Variants in KLHL36 observed in about 807,000 individuals in gnomAD.
The protein encoded by KLHL36 is kelch like family member 36, also known as kelch-like protein 36.
In KLHL36, 35 loss-of-function variants were observed where a neutral mutation model predicts 53.3. The observed-to-expected ratio is 0.66, with a 90% confidence interval of 0.50 to 0.87. The LOEUF (loss-of-function observed/expected upper bound fraction) is 0.87. KLHL36 is among the 40% of genes least tolerant of loss of function. The pLI, the probability that KLHL36 is intolerant of heterozygous loss-of-function variation, is 0.00. For missense variants in KLHL36, 864 were observed against 897.6 expected (o/e 0.96, Z 0.48); for synonymous variants, 472 against 398.9 (o/e 1.18, Z -2.18).
intron 1 of KLHL36, 55 bp from the exon 2 acceptor site, chr16:84,650,797 T>G: frequency 1.5e-6 from 2 of 1,313,714 alleles, no homozygotes; most frequent in Non-Finnish European, 2.2e-6. Flanking sequence ...GGCCTGAAAT[T>G]AATGAATGAC....
chr16:84,649,801 G>A (rs897747511), intron 1 of KLHL36, among the ~76,000 whole-genome samples: 7 of 152,162 alleles, frequency 4.6e-5, no homozygotes, highest in African/African-American at 1.2e-4. Context: ...TATTAGTGAA[G>A]ACTATTTGTT....
At position 84,663,977 on chromosome 16, in the gene KLHL36, C is replaced by T. The variant is rs1217079163; in HGVS notation, c.*1844C>T. 3 of 152,280 alleles carry T rather than the reference C, an allele frequency of 2.0e-5. No individual in the cohort carries two copies. Among genetic ancestry groups the T allele is most frequent in the Non-Finnish European group, 4.4e-5 (3 of 68,036 alleles). The allele number at this position is 152,280 out of a possible 1,614,324, so 9.4% of individuals were successfully genotyped here. On this transcript the variant is annotated 3_prime_UTR_variant, in exon 5 of 5. Transcript: ENST00000564996. ...GCTTACAAACTGTTGAGAGGTTCTG[C>T]GAGGCATACAAACAAACAGACCAAA...
chr16:84,649,298 G>C (rs1906676603), intron 1 of KLHL36: 3 of 152,294 alleles, frequency 2.0e-5, no homozygotes, highest in South Asian at 2.1e-4. Context: ...GGGAGCCTCC[G>C]GCCCCGCGAA....
In KLHL36 at chr16:84,662,873, T is replaced by G. The variant is rs898992748; in HGVS notation, c.*740T>G. ...CCTCATTGGAAACCTTCTTGAATTCTAAAACGTTACAGGTAACCAAAAACG... is the reference window on the plus strand; with the variant it reads ...CCTCATTGGAAACCTTCTTGAATTCGAAAACGTTACAGGTAACCAAAAACG... On this transcript the variant is annotated 3_prime_UTR_variant, in exon 5 of 5. Coordinates refer to ENST00000564996, the MANE Select transcript of KLHL36 (RefSeq NM_024731.4). The G allele has an allele frequency of 2.6e-5, 4 of 152,234 alleles. No individual in the cohort carries two copies. Among genetic ancestry groups the G allele is most frequent in the African/African-American group, 4.8e-5 (2 of 41,466 alleles). The allele number at this position is 152,234 out of a possible 1,614,324, so 9.4% of individuals were successfully genotyped here.
At chr16:84,659,024 G>C (rs1303826843) in intron 3 of KLHL36, 1 of 151,858 alleles carries the variant, frequency 6.6e-6, no homozygotes, top group East Asian at 1.9e-4. Flanking sequence ...GTGTGTGTGA[G>C]ACAGAGTTGT....
intron 3 of KLHL36, chr16:84,659,096 G>A (rs529131630): frequency 1.3e-5 from 2 of 152,354 alleles, no homozygotes; most frequent in African/African-American, 4.8e-5. Flanking sequence ...CTGCCTCCCA[G>A]GTTCAAACAA....
chr16:84,660,919 G>GC (rs1296128711), intron 4 of KLHL36, among the ~76,000 whole-genome samples: 2 of 152,178 alleles, frequency 1.3e-5, no homozygotes, highest in Non-Finnish European at 2.9e-5. Flanking sequence ...ACTGCACCTG[G>GC]CCATATTGAT....
intron 4 of KLHL36, among the ~76,000 whole-genome samples, chr16:84,660,858 G>C (rs1415236789): frequency 6.6e-6 from 1 of 152,192 alleles, no homozygotes; most frequent in Non-Finnish European, 1.5e-5. Flanking sequence ...CTAGCCTCAA[G>C]AGATCCACCC....
At position 84,650,872 on chromosome 16, in the gene KLHL36, T is replaced by C. The variant is rs1039955144; in HGVS notation, c.5T>C (p.Met2Thr). The C allele has an allele frequency of 1.2e-6, 2 of 1,611,636 alleles. No individual in the cohort carries two copies. The highest frequency in any genetic ancestry group is 2.7e-5 in the African/African-American group (2 of 74,596). M[M>T]EGSRQTRVSR... ...CCTAGGGCTGAAATCTCTTTAATGA[T>C]GGAGGGAAGCAGGCAGACGCGAGTG... Residue 2 changes from methionine (M) to threonine (T), a missense_variant, in exon 2 of 5, where the codon ATG becomes ACG. By Grantham distance (81) the Met-to-Thr change is moderately conservative. Coordinates refer to ENST00000564996, the MANE Select transcript of KLHL36 (RefSeq NM_024731.4).
In KLHL36 at chr16:84,665,354, G is replaced by A. The variant is rs1567565078; in HGVS notation, c.*3221G>A. ...AGTTGTAACTTCATATTAGTTGTAA[G>A]TTTGGGGTTTGGTCCTCACCCAAGT... is the stretch of plus-strand genomic sequence containing the variant. On this transcript the variant is annotated 3_prime_UTR_variant, in exon 5 of 5. Transcript: ENST00000564996. 1 of 151,982 alleles carries A rather than the reference G, an allele frequency of 6.6e-6. No individual in the cohort carries two copies. The highest frequency in any genetic ancestry group is 1.5e-5 in the Non-Finnish European group (1 of 68,012). 9.4% of individuals were successfully genotyped at this position (151,982 alleles called of 1,614,324 possible).
chr16:84,650,723 G>A (rs199678493), intron 1 of KLHL36, 129 bp from the exon 2 acceptor site: 4 of 653,564 alleles, frequency 6.1e-6, no homozygotes, highest in African/African-American at 1.9e-5. Context: ...TGTAGTGCAC[G>A]GTCCTCCCTC....
intron 2 of KLHL36, among the ~76,000 whole-genome samples, chr16:84,656,152 C>T (rs1907186237): frequency 1.3e-5 from 2 of 152,172 alleles, no homozygotes; most frequent in Admixed American, 6.5e-5. Context: ...GTCTCAGTCT[C>T]ACAAAGCATT....
Position 84,659,898 on chromosome 16 carries a change from T to C in KLHL36, c.1276T>C (p.Tyr426His). 1 of 1,607,200 alleles carries C rather than the reference T, an allele frequency of 6.2e-7. No homozygotes were observed. The highest frequency in any genetic ancestry group is 8.5e-7 in the Non-Finnish European group (1 of 1,174,514). Residue 426 changes from tyrosine (Y) to histidine (H), a missense_variant, in exon 4 of 5, where the codon TAT (tyrosine) becomes CAT (histidine). Tyr to His is a moderately conservative substitution (Grantham distance 83). Transcript: ENST00000564996. ...CAGTCCCAAGACTGACTCCTGGTCCTATGTGGCCGGCTTGCCAAGGTGATC... is the reference window on the plus strand; with the variant it reads ...CAGTCCCAAGACTGACTCCTGGTCCCATGTGGCCGGCTTGCCAAGGTGATC... Reference protein sequence around the residue: ...TYSPKTDSWSYVAGLPRFTYG... With the variant: ...TYSPKTDSWSHVAGLPRFTYG...
chr16:84,661,662 C>G lies in KLHL36; in HGVS notation c.1380C>G (p.Arg460=). ...GGHDYQIGPY[R]KNLLCYDHRT... is the part of the protein sequence containing the mutation. ...ACGACTACCAAATTGGCCCCTACCG[C>G]AAGAACCTGCTATGCTACGACCACC... The change falls in exon 5 of 5, where the codon CGC becomes CGG. Residue 460 remains arginine (R), a synonymous_variant. Coordinates refer to ENST00000564996, the MANE Select transcript of KLHL36 (RefSeq NM_024731.4). The surrounding 1 kb of genome is among the most constrained non-coding windows in gnomAD (Gnocchi z 7.9). The G allele has an allele frequency of 6.2e-7, 1 of 1,613,552 alleles. No homozygotes were observed. The highest frequency in any genetic ancestry group is 1.7e-4 in the Middle Eastern group (1 of 6,060).
chr16:84,660,204 A>G (rs1442726942), intron 4 of KLHL36, among the ~76,000 whole-genome samples: 1 of 152,120 alleles, frequency 6.6e-6, no homozygotes, highest in Non-Finnish European at 1.5e-5. Context: ...GCCTGACCTG[A>G]GGATCTCCCT....
At position 84,657,756 on chromosome 16, in the gene KLHL36, T is replaced by C; in HGVS notation, c.949T>C (p.Tyr317His). 2 of 1,611,966 alleles carry C rather than the reference T, an allele frequency of 1.2e-6. No individual in the cohort carries two copies. Among genetic ancestry groups the C allele is most frequent in the Non-Finnish European group, 1.7e-6 (2 of 1,179,444 alleles). The change falls in exon 3 of 5, where the codon TAC becomes CAC. Residue 317 changes from tyrosine to histidine, a missense_variant. Physicochemically the swap from Tyr to His is moderately conservative, Grantham distance 83. Transcript: ENST00000564996. ...RCLELSDDTC[Y>H]LDAKSEQWVK... Reference sequence around the variant, plus strand: ...TCTGGAGCTCAGTGACGACACCTGCTACCTGGACGCCAAGAGCGAGCAGTG... The same window carrying C: ...TCTGGAGCTCAGTGACGACACCTGCCACCTGGACGCCAAGAGCGAGCAGTG...
intron 2 of KLHL36, among the ~76,000 whole-genome samples, chr16:84,652,154 G>C (rs555803768): frequency 6.6e-6 from 1 of 152,334 alleles, no homozygotes. Flanking sequence ...AGACACTGCT[G>C]CTTTCTAAGT....
chr16:84,651,487 G>GTAT (rs1906875330), intron 2 of KLHL36, among the ~76,000 whole-genome samples: 28 of 152,172 alleles, frequency 1.8e-4, no homozygotes, highest in Admixed American at 8.5e-4. Context: ...TAAAATCCAA[G>GTAT]AGCCAGACCC....
intron 2 of KLHL36, among the ~76,000 whole-genome samples, chr16:84,656,596 C>T (rs1251954255): frequency 6.8e-6 from 1 of 146,832 alleles, no homozygotes; most frequent in Non-Finnish European, 1.5e-5. Flanking sequence ...TGTGCCACTG[C>T]ACTCCAGCCT....
Sources: gnomAD v4.1 joint callset for allele counts (sites outside exome capture counted in the v4.1 genomes callset) on GRCh38, gnomAD v4.1.1 for gene constraint, Gnocchi (gnomAD v3.1) non-coding constraint, MANE v1.5 for transcripts, NCBI Gene and HGNC (gene_info 2026-07-23, HGNC 2026-07-21) for gene names.